The following FAM199X variants were observed in gnomAD, a reference collection of about 807,000 sequenced individuals.
The protein encoded by FAM199X is protein FAM199X.
In FAM199X, 4 loss-of-function variants were observed where a neutral mutation model predicts 22.9. The observed-to-expected ratio is 0.17, with a 90% CI of 0.09 to 0.40. The LOEUF is 0.40. FAM199X is among the 10% of genes least tolerant of loss of function. The probability of loss-of-function intolerance (pLI) is 1.00; values close to 1 mark genes in which losing one functional copy is unlikely to be tolerated. For missense variants in FAM199X, 183 were observed against 306.8 expected (o/e 0.60, Z 3.01); for synonymous variants, 101 against 112.3 (o/e 0.90, Z 0.64).
chrX:104,186,364 C>A, intron 3 of FAM199X, 96 bp from the exon 4 acceptor site: 1 of 1,080,118 alleles, frequency 9.3e-7, no homozygotes, highest in Non-Finnish European at 1.2e-6. Flanking sequence ...ACAAATATAA[C>A]CTTAAGTGCT....
rs16984998 is a variant in FAM199X at position 104,191,191 on chromosome X, G to A, written c.*1413G>A. On this transcript the variant is annotated 3_prime_UTR_variant, in exon 6 of 6. Coordinates refer to ENST00000493442, the MANE Select transcript of FAM199X (RefSeq NM_207318.4). ...TTCTTTTTTTTTTACTTTTTGTTAC[G>A]TCAAGTAGCTTATTAAGAAAAAGAT... is the stretch of plus-strand genomic sequence containing the variant. 0.011 allele frequency: 1,190 copies of A among 110,430 alleles called. 21 individuals carry two copies. The highest frequency in any genetic ancestry group is 0.036 in the African/African-American group (1,102 of 30,439). 9.1% of individuals were successfully genotyped at this position (110,430 alleles called of 1,213,427 possible).
upstream of FAM199X, among the ~76,000 whole-genome samples, chrX:104,164,705 A>T (rs1360127542): frequency 9.1e-6 from 1 of 109,810 alleles, no homozygotes; most frequent in Non-Finnish European, 1.9e-5. Flanking sequence ...ACATGGCAAA[A>T]CCCGTCTCTA....
rs782075983 is a variant in FAM199X at position 104,185,062 on chromosome X, AT to A, written c.418-979del. Among the ~76,000 whole-genome samples, 459 of 77,936 alleles carry A rather than the reference AT, an allele frequency of 5.9e-3. 5 individuals carry two copies. The highest frequency in any genetic ancestry group is 0.016 in the Middle Eastern group (2 of 129). 67.7% of individuals were successfully genotyped at this position (77,936 alleles called of 115,157 possible). A position where few individuals can be genotyped will look rare whatever the true frequency, so the allele number is the denominator to read the frequency against. On this transcript the variant is annotated intron_variant, in intron 2 of 5. Transcript: ENST00000493442. ...AAATGCTGGAATTACAGGCATGATA[AT>A]TTTTTTTTTTTTTTTTTTTTTTTTA... is the stretch of plus-strand genomic sequence containing the variant.
chrX:104,188,193 A>G lies in FAM199X; in HGVS notation c.883A>G (p.Ser295Gly), dbSNP rs1556379620. 8.3e-7 allele frequency: 1 copy of G among 1,210,874 alleles called. No individual in the cohort carries two copies. Among genetic ancestry groups the G allele is most frequent in the East Asian group, 3.0e-5 (1 of 33,797 alleles). Residue 295 changes from serine (S) to glycine (G), a missense_variant, in exon 5 of 6, where the codon AGC (serine) becomes GGC (glycine). By Grantham distance (56) the Ser-to-Gly change is moderately conservative. Coordinates refer to ENST00000493442, the MANE Select transcript of FAM199X (RefSeq NM_207318.4). ...SSASMVSSAS[S>G]SGSSVGNSAS... is the part of the protein sequence containing the mutation. Reference sequence around the variant, plus strand: ...TGCCAGCATGGTCAGTTCTGCAAGCAGCAGTGGGTCCAGTGTTGGAAACTC... The same window carrying G: ...TGCCAGCATGGTCAGTTCTGCAAGCGGCAGTGGGTCCAGTGTTGGAAACTC...
rs1921468382 is a variant in FAM199X, at chrX:104,175,584, TGTA to T, written c.198-36_198-34del. Reference sequence around the variant, plus strand: ...TTATATCTTAAAATTGTATGGATTCTGTAGTTCTCTTGATTTCTTTCGTGTTGT... The same window carrying T: ...TTATATCTTAAAATTGTATGGATTCTGTTCTCTTGATTTCTTTCGTGTTGT... On this transcript the variant is annotated intron_variant, in intron 1 of 5. Transcript: ENST00000493442. 2.8e-6 allele frequency: 3 copies of T among 1,063,463 alleles called. No homozygotes were observed. The Admixed American group carries it at 6.9e-5, about 25-fold the overall frequency. The allele number at this position is 1,063,463 out of a possible 1,213,427, so 87.6% of individuals were successfully genotyped here.
At chrX:104,166,270 G>T (rs1556373802), upstream of FAM199X, among the ~76,000 whole-genome samples, 3 of 113,125 alleles carry the variant, frequency 2.7e-5, no homozygotes. Context: ...GGAGGAGGAG[G>T]TTGGCCAGAG....
chrX:104,158,060 C>T, the FAM199X span, among the ~76,000 whole-genome samples: 6 of 112,193 alleles, frequency 5.3e-5, no homozygotes, highest in East Asian at 1.7e-3. Context: ...ATAACTTGCC[C>T]ACGGTCACAG....
intron 2 of FAM199X, among the ~76,000 whole-genome samples, chrX:104,183,314 C>T (rs782672008): frequency 6.4e-5 from 7 of 108,734 alleles, no homozygotes; most frequent in Non-Finnish European, 1.3e-4. Context: ...GAGAAAATAG[C>T]ACGCATTTTC....
At chrX:104,177,311 C>CG (rs1232541410) in intron 2 of FAM199X, among the ~76,000 whole-genome samples, 2 of 112,062 alleles carry the variant, frequency 1.8e-5, no homozygotes, top group Non-Finnish European at 3.8e-5. Flanking sequence ...CTTTCTATGG[C>CG]TAATATTCCA....
At chrX:104,182,786 C>T (rs1242746349) in intron 2 of FAM199X, among the ~76,000 whole-genome samples, 2 of 111,516 alleles carry the variant, frequency 1.8e-5, no homozygotes, top group Non-Finnish European at 3.8e-5. Context: ...GGGTCCAAAA[C>T]CATGGCAAGG....
chrX:104,179,976 C>CTTTTTTTTTTTTTTTTTT, intron 2 of FAM199X, among the ~76,000 whole-genome samples: 1 of 86,152 alleles, frequency 1.2e-5, no homozygotes, highest in Non-Finnish European at 2.3e-5. Flanking sequence ...TGAATTTTTC[C>CTTTTTTTTTTTTTTTTTT]TTTTTTTTTT....
chrX:104,187,184 A>G (rs782053037), intron 4 of FAM199X, among the ~76,000 whole-genome samples: 1 of 109,152 alleles, frequency 9.2e-6, no homozygotes, highest in Non-Finnish European at 1.9e-5. Flanking sequence ...CCCGGGTTCA[A>G]GTGATTCTCC....
upstream of FAM199X, among the ~76,000 whole-genome samples, chrX:104,164,021 A>G (rs1032906777): frequency 8.9e-6 from 1 of 111,909 alleles, no homozygotes; most frequent in African/African-American, 3.3e-5. Context: ...ATTTCTGTAA[A>G]TTCTTTTTAT....
chrX:104,185,563 T>C (rs1166941319), intron 2 of FAM199X, among the ~76,000 whole-genome samples: 1 of 112,269 alleles, frequency 8.9e-6, no homozygotes, highest in African/African-American at 3.2e-5. Flanking sequence ...AAAATAGGCA[T>C]GGATCAGAAT....
At chrX:104,182,462 G>A (rs1921684784) in intron 2 of FAM199X, among the ~76,000 whole-genome samples, 1 of 110,916 alleles carries the variant, frequency 9.0e-6, no homozygotes. Context: ...GTTTCATCAA[G>A]TTACTTCTTA....
rs977098773 is a variant in FAM199X at position 104,192,094 on chromosome X, A to G, written c.*2316A>G. On this transcript the variant is annotated 3_prime_UTR_variant, in exon 6 of 6. Coordinates refer to ENST00000493442, the MANE Select transcript of FAM199X (RefSeq NM_207318.4). ...ATTAACTAACTTGGGCTTGCTTGTG[A>G]TTGAAGAGGGAGATTAGATAGTCCT... The G allele has an allele frequency of 1.8e-5, 2 of 111,576 alleles. No homozygotes were observed. Among genetic ancestry groups the G allele is most frequent in the African/African-American group, 3.2e-5 (1 of 30,814 alleles). 9.2% of individuals were successfully genotyped at this position (111,576 alleles called of 1,213,427 possible). A position where few individuals can be genotyped will look rare whatever the true frequency, so the allele number is the denominator to read the frequency against.
At chrX:104,162,307 TCTATTTTAA>T (rs1409096175), upstream of FAM199X, among the ~76,000 whole-genome samples, 2 of 111,887 alleles carry the variant, frequency 1.8e-5, no homozygotes, top group African/African-American at 6.5e-5. Context: ...TGTTTGGCTC[TCTATTTTAA>T]ATTTAGGCCA....
chrX:104,175,551 C>A, intron 1 of FAM199X, 72 bp from the exon 2 acceptor site: 1 of 861,883 alleles, frequency 1.2e-6, no homozygotes, highest in Non-Finnish European at 1.6e-6. Context: ...ATAAATATGT[C>A]CTGTTAATTA....
At chrX:104,164,186 C>T (rs781881231), upstream of FAM199X, among the ~76,000 whole-genome samples, 10 of 112,281 alleles carry the variant, frequency 8.9e-5, no homozygotes, top group East Asian at 2.8e-4. Context: ...GCCCTAGAAA[C>T]GTGAACATAC....
Sources: allele counts gnomAD v4.1 joint callset (sites outside exome capture counted in the v4.1 genomes callset), GRCh38; gene constraint gnomAD v4.1.1; transcripts MANE v1.5; gene names NCBI Gene and HGNC (gene_info 2026-07-23, HGNC 2026-07-21).